Variants in MAST4 observed in about 807,000 individuals in gnomAD.
MAST4 encodes the protein microtubule associated serine/threonine kinase family member 4.
Under a neutral mutation model 162.7 loss-of-function variants are expected in MAST4, and 89 were observed. The ratio of observed to expected loss-of-function variants is 0.55; its 90% confidence interval spans 0.46 to 0.65. The LOEUF (loss-of-function observed/expected upper bound fraction) is 0.65, where lower values mean the gene tolerates loss of function less well. Among genes scored for constraint, MAST4 ranks in the 30% least tolerant of loss-of-function variants. The probability of loss-of-function intolerance (pLI) is 0.00; values close to 1 mark genes in which losing one functional copy is unlikely to be tolerated. For synonymous variants in MAST4, 1,479 were observed against 1,361.1 expected (o/e 1.09, Z -1.91); for missense variants, 3,153 against 3,374.0 (o/e 0.93, Z 1.62).
chr5:67,094,310 T>G, intron 6 of MAST4: 1 of 456,482 alleles, frequency 2.2e-6, no homozygotes, highest in African/African-American at 2.0e-5. Flanking sequence ...GAATATAAAT[T>G]TAGGCTAAAA....
chr5:67,039,770 A>C (rs964275539), intron 4 of MAST4, among the ~76,000 whole-genome samples: 15 of 152,276 alleles, frequency 9.9e-5, no homozygotes, highest in Non-Finnish European at 1.5e-4. Flanking sequence ...CTACACACAG[A>C]TCCCTCTCCT....
chr5:66,808,632 A>G (rs1351905030), intron 3 of MAST4, among the ~76,000 whole-genome samples: 1 of 152,222 alleles, frequency 6.6e-6, no homozygotes, highest in African/African-American at 2.4e-5. Flanking sequence ...TCCCATTGCC[A>G]GATCAGGGCC....
chr5:66,661,214 A>G (rs1031654825), intron 1 of MAST4, among the ~76,000 whole-genome samples: 1 of 152,194 alleles, frequency 6.6e-6, no homozygotes, highest in Non-Finnish European at 1.5e-5. Context: ...CAGCTGGTAC[A>G]GTGACTCCGA....
chr5:66,607,687 G>A (rs556085058), intron 1 of MAST4, among the ~76,000 whole-genome samples: 1 of 152,286 alleles, frequency 6.6e-6, no homozygotes, highest in South Asian at 2.1e-4. Context: ...CTGAACTCCT[G>A]CCTTGGCTTC....
chr5:66,729,249 T>C (rs756784457), intron 1 of MAST4, among the ~76,000 whole-genome samples: 1 of 152,222 alleles, frequency 6.6e-6, no homozygotes, highest in Non-Finnish European at 1.5e-5. Context: ...CTTTTATTAA[T>C]GCTAGGCTTT....
At chr5:67,103,327 T>C (rs1047567208) in intron 9 of MAST4, among the ~76,000 whole-genome samples, 1 of 152,224 alleles carries the variant, frequency 6.6e-6, no homozygotes, top group Admixed American at 6.5e-5. Flanking sequence ...TGTGTTGCCC[T>C]AAACAGGAGA....
rs779352938 is a variant in MAST4, at chr5:67,131,922, A to T, written c.2064A>T (p.Gly688=). The T allele has an allele frequency of 2.8e-5, 45 of 1,613,054 alleles. No individual in the cohort carries two copies. The South Asian group carries it at 4.4e-4, about 16-fold the overall frequency. The stretch of plus-strand genomic sequence containing the variant: ...CCTTGGAATATTTACATAATTATGG[A>T]ATTGTACACAGGGATTTGAAACCAG... ...VLALEYLHNY[G]IVHRDLKPDN... The change falls in exon 16 of 29, where the codon GGA becomes GGT. Residue 688 remains glycine (G), a synonymous_variant. Transcript: ENST00000403625.
At chr5:66,635,064 A>T (rs902268755) in intron 1 of MAST4, among the ~76,000 whole-genome samples, 1 of 152,244 alleles carries the variant, frequency 6.6e-6, no homozygotes, top group African/African-American at 2.4e-5. Flanking sequence ...ACAGCTTCTC[A>T]TTGTTGTACA....
chr5:66,666,794 T>TA (rs1347304814), intron 1 of MAST4, among the ~76,000 whole-genome samples: 1 of 152,254 alleles, frequency 6.6e-6, no homozygotes, highest in Non-Finnish European at 1.5e-5. Context: ...TGAGGCCATT[T>TA]AAAAATCACA....
chr5:67,154,980 A>G (rs1772308661), intron 26 of MAST4, among the ~76,000 whole-genome samples: 2 of 152,198 alleles, frequency 1.3e-5, no homozygotes, highest in South Asian at 2.1e-4. Flanking sequence ...GTACTCTCGA[A>G]TGCTGTTTAC....
chr5:67,132,065 A>C, intron 16 of MAST4, 114 bp downstream of exon 16: 1 of 1,207,368 alleles, frequency 8.3e-7, no homozygotes, highest in Non-Finnish European at 1.2e-6. Flanking sequence ...CATAATGTCC[A>C]AAATGAGTTG....
chr5:67,053,111 A>T (rs900147196), intron 4 of MAST4, among the ~76,000 whole-genome samples: 2 of 152,204 alleles, frequency 1.3e-5, no homozygotes, highest in Admixed American at 6.5e-5. Flanking sequence ...GCTTAATTAA[A>T]CTCACAGATA....
chr5:67,058,407 A>C (rs556493089), intron 5 of MAST4, among the ~76,000 whole-genome samples: 1 of 152,344 alleles, frequency 6.6e-6, no homozygotes, highest in East Asian at 1.9e-4. Flanking sequence ...TTTGCCCGGC[A>C]AATTAACCTA....
chr5:66,776,850 A>C (rs141330338), intron 2 of MAST4, among the ~76,000 whole-genome samples: 186 of 152,314 alleles, frequency 1.2e-3, no homozygotes, highest in African/African-American at 4.2e-3. Context: ...GTACATGTGC[A>C]CCCACACACA....
intron 1 of MAST4, among the ~76,000 whole-genome samples, chr5:66,714,864 G>T (rs117466492): frequency 2.6e-5 from 4 of 152,340 alleles, no homozygotes; most frequent in Middle Eastern, 3.4e-3. Context: ...TGCTGGGCTT[G>T]TTTGGTCCTC....
intron 3 of MAST4, among the ~76,000 whole-genome samples, chr5:66,885,135 A>G (rs1206620438): frequency 6.6e-6 from 1 of 152,204 alleles, no homozygotes; most frequent in Non-Finnish European, 1.5e-5. Context: ...TATGTGGAAT[A>G]GGGGGTTTTC....
intron 4 of MAST4, among the ~76,000 whole-genome samples, chr5:66,932,779 GAT>G (rs1460612028): frequency 6.6e-6 from 1 of 152,084 alleles, no homozygotes. Context: ...TTTTTATTCT[GAT>G]TTTTCTATTA....
chr5:66,613,998 A>C (rs1048709038), intron 1 of MAST4, among the ~76,000 whole-genome samples: 10 of 152,362 alleles, frequency 6.6e-5, no homozygotes, highest in African/African-American at 2.2e-4. Context: ...AAAGCAAGGC[A>C]GCCAAGGGGA....
intron 3 of MAST4, among the ~76,000 whole-genome samples, chr5:66,885,823 T>A (rs1336312726): frequency 1.3e-5 from 2 of 152,242 alleles, no homozygotes; most frequent in Non-Finnish European, 2.9e-5. Flanking sequence ...ATTACGTAGA[T>A]GAGTAATTTA....
Sources: gnomAD v4.1 joint callset for allele counts (sites outside exome capture counted in the v4.1 genomes callset) on GRCh38, gnomAD v4.1.1 for gene constraint, MANE v1.5 for transcripts, NCBI Gene and HGNC (gene_info 2026-07-23, HGNC 2026-07-21) for gene names.